Variants in SOX7 observed in about 807,000 individuals in gnomAD.
SOX7 encodes the protein transcription factor SOX-7.
A neutral mutation model predicts 24.9 loss-of-function variants in SOX7; 19 were observed. That is an observed-to-expected ratio of 0.76 (90% CI 0.53 to 1.12). The LOEUF (loss-of-function observed/expected upper bound fraction) is 1.12, where lower values mean the gene tolerates loss of function less well. Ranked by LOEUF, SOX7 falls within the 50% of genes most tolerant of loss-of-function variation. The pLI, the probability that SOX7 is intolerant of heterozygous loss-of-function variation, is 0.00. For synonymous variants in SOX7, 327 were observed against 244.5 expected (o/e 1.34, Z -3.15); for missense variants, 702 against 535.0 (o/e 1.31, Z -3.08).
chr8:10,728,616 G>A (rs1434823529), intron 1 of SOX7, among the ~76,000 whole-genome samples: 1 of 152,212 alleles, frequency 6.6e-6, no homozygotes, highest in Admixed American at 6.5e-5. Flanking sequence ...GCCCCGATGG[G>A]GACCAACTCG....
Position 10,724,357 on chromosome 8 carries a change from G to T in SOX7, c.*1381C>A, listed in dbSNP as rs1259926221. The T allele has an allele frequency of 6.6e-6, 1 of 152,252 alleles. No homozygotes were observed. The highest frequency in any genetic ancestry group is 1.9e-4 in the East Asian group (1 of 5,200). 9.4% of individuals were successfully genotyped at this position (152,252 alleles called of 1,614,324 possible). A position where few individuals can be genotyped will look rare whatever the true frequency, so the allele number is the denominator to read the frequency against. ...AAGACAAATTCTCACAGCAGCTAAAGGAAGCATGCTTGGGATAAGTCAGGG... is the reference window on the plus strand; with the variant it reads ...AAGACAAATTCTCACAGCAGCTAAATGAAGCATGCTTGGGATAAGTCAGGG... On this transcript the variant is annotated 3_prime_UTR_variant, in exon 2 of 2. Transcript: ENST00000304501.
chr8:10,725,583 A>G lies in SOX7; in HGVS notation c.*155T>C, dbSNP rs1800128384. 1 of 708,684 alleles carries G rather than the reference A, an allele frequency of 1.4e-6. No individual in the cohort carries two copies. Among genetic ancestry groups the G allele is most frequent in the Middle Eastern group, 4.0e-4 (1 of 2,518 alleles). The allele number at this position is 708,684 out of a possible 1,614,324, so 43.9% of individuals were successfully genotyped here. ...GGATAGAGGCGGCACTCGGATAAGG[A>G]GAGTCCAGCTTAGGCCAAAGGCTCT... On this transcript the variant is annotated 3_prime_UTR_variant, in exon 2 of 2. Coordinates refer to ENST00000304501, the MANE Select transcript of SOX7 (RefSeq NM_031439.4).
chr8:10,726,432 T>C lies in SOX7; in HGVS notation c.473A>G (p.Glu158Gly), dbSNP rs1179617988. ...GGAGTACTCACCCCTGTCCTCCTTCTCCCCCAGCGCCCCCCGGCTGCCGCT... is the reference window on the plus strand; with the variant it reads ...GGAGTACTCACCCCTGTCCTCCTTCCCCCCCAGCGCCCCCCGGCTGCCGCT... ...KRSGSRGALG[E>G]KEDRGEYSPG... The change falls in exon 2 of 2, where the codon GAG (glutamate) becomes GGG (glycine). Residue 158 changes from glutamate to glycine, a missense_variant. Physicochemically the swap from Glu to Gly is moderately conservative, Grantham distance 98. Transcript: ENST00000304501. 6.2e-7 allele frequency: 1 copy of C among 1,611,984 alleles called. No homozygotes were observed. The highest frequency in any genetic ancestry group is 8.5e-7 in the Non-Finnish European group (1 of 1,179,514).
chr8:10,725,032 A>G lies in SOX7; in HGVS notation c.*706T>C, dbSNP rs2129062735. ...CCACCGTGCCCGGCCTAGACTGTGCATATTCTCTTGAAGTGTGTGTATAAT... is the reference window on the plus strand; with the variant it reads ...CCACCGTGCCCGGCCTAGACTGTGCGTATTCTCTTGAAGTGTGTGTATAAT... On this transcript the variant is annotated 3_prime_UTR_variant, in exon 2 of 2. Coordinates refer to ENST00000304501, the MANE Select transcript of SOX7 (RefSeq NM_031439.4). The G allele has an allele frequency of 6.6e-6, 1 of 152,606 alleles. No homozygotes were observed. The highest frequency in any genetic ancestry group is 2.4e-5 in the African/African-American group (1 of 41,564). 9.5% of individuals were successfully genotyped at this position (152,606 alleles called of 1,614,324 possible).
At position 10,725,714 on chromosome 8, in the gene SOX7, T is replaced by C. The variant is rs1330766852; in HGVS notation, c.*24A>G. 1.2e-6 allele frequency: 2 copies of C among 1,613,678 alleles called. No individual in the cohort carries two copies. Among genetic ancestry groups the C allele is most frequent in the Non-Finnish European group, 1.7e-6 (2 of 1,179,844 alleles). The stretch of plus-strand genomic sequence containing the variant: ...CACAAGAAGGAGAGGGCGCGAGGGC[T>C]GACCGGACGGGGCGCCTCCAGCTCT... On this transcript the variant is annotated 3_prime_UTR_variant, in exon 2 of 2. Coordinates refer to ENST00000304501, the MANE Select transcript of SOX7 (RefSeq NM_031439.4).
At position 10,724,754 on chromosome 8, in the gene SOX7, C is replaced by G. The variant is rs1451932565; in HGVS notation, c.*984G>C. On this transcript the variant is annotated 3_prime_UTR_variant, in exon 2 of 2. Coordinates refer to ENST00000304501, the MANE Select transcript of SOX7 (RefSeq NM_031439.4). ...TTTTTTTTCTTGAAATGGAGTTTCA[C>G]TCTTGTTGCACAGGCTGGAGTGCAA... is the stretch of plus-strand genomic sequence containing the variant. The G allele has an allele frequency of 6.9e-6, 1 of 145,820 alleles. No individual in the cohort carries two copies. The highest frequency in any genetic ancestry group is 1.5e-5 in the Non-Finnish European group (1 of 67,290). 9.0% of individuals were successfully genotyped at this position (145,820 alleles called of 1,614,324 possible).
In SOX7 at chr8:10,726,333, G is replaced by A. The variant is rs1800152194; in HGVS notation, c.572C>T (p.Pro191Leu). ...GPAGGGGGGT[P>L]SSVDTYPYGL... ...GTACGGGTACGTGTCCACACTGCTC[G>A]GGGTGCCGCCGCCGCCACCACCAGC... The change falls in exon 2 of 2, where the codon CCG becomes CTG. Residue 191 changes from proline (P) to leucine (L), a missense_variant. Physicochemically the swap from Pro to Leu is moderately conservative, Grantham distance 98. Transcript: ENST00000304501. The A allele has an allele frequency of 1.2e-6, 2 of 1,612,790 alleles. No individual in the cohort carries two copies. Among genetic ancestry groups the A allele is most frequent in the Middle Eastern group, 1.7e-4 (1 of 6,060 alleles).
At chr8:10,727,514 G>T (rs1450316974) in intron 1 of SOX7, among the ~76,000 whole-genome samples, 2 of 152,186 alleles carry the variant, frequency 1.3e-5, no homozygotes, top group Non-Finnish European at 2.9e-5. Context: ...ACACTCTCCA[G>T]CTCCAAACTC....
In SOX7 at chr8:10,724,416, G is replaced by A. The variant is rs1800101896; in HGVS notation, c.*1322C>T. On this transcript the variant is annotated 3_prime_UTR_variant, in exon 2 of 2. Coordinates refer to ENST00000304501, the MANE Select transcript of SOX7 (RefSeq NM_031439.4). ...AGTTAGGGACCAGTTCAGCAGTGGA[G>A]GAAGAGCAGAAAGAAGAGAAAAAGA... 1 of 152,306 alleles carries A rather than the reference G, an allele frequency of 6.6e-6. No homozygotes were observed. The highest frequency in any genetic ancestry group is 2.1e-4 in the South Asian group (1 of 4,834). The allele number at this position is 152,306 out of a possible 1,614,324, so 9.4% of individuals were successfully genotyped here.
intron 1 of SOX7, among the ~76,000 whole-genome samples, chr8:10,727,934 G>A (rs1052972608): frequency 1.3e-5 from 2 of 152,230 alleles, no homozygotes; most frequent in Non-Finnish European, 2.9e-5. Context: ...CTTGGGCCAG[G>A]GGCTCAGAGC....
rs372332206 is a variant in SOX7, at chr8:10,730,089, C to T, written c.238+107G>A. The T allele has an allele frequency of 6.7e-5, 52 of 775,796 alleles. No individual in the cohort carries two copies. The African/African-American group carries it at 8.3e-4, about 12-fold the overall frequency. 48.1% of individuals were successfully genotyped at this position (775,796 alleles called of 1,614,324 possible). ...GGGCACGAAGAGGGCCCTCGTCCCG[C>T]GTGCCGGGTCTTCCCCAGGCTCCGC... On this transcript the variant is annotated intron_variant, in intron 1 of 1. Coordinates refer to ENST00000304501, the MANE Select transcript of SOX7 (RefSeq NM_031439.4). This position sits in a 1 kb window ranked among gnomAD's most constrained non-coding sequence, Gnocchi z 4.8.
At chr8:10,729,922 C>G (rs1234789495) in intron 1 of SOX7, among the ~76,000 whole-genome samples, 2 of 152,138 alleles carry the variant, frequency 1.3e-5, no homozygotes, top group African/African-American at 4.8e-5. Flanking sequence ...TCCCCGCCCC[C>G]TGGGGCGCCG....
In SOX7 at chr8:10,724,043, C is replaced by G. The variant is rs1800095634; in HGVS notation, c.*1695G>C. 1 of 151,902 alleles carries G rather than the reference C, an allele frequency of 6.6e-6. No homozygotes were observed. The highest frequency in any genetic ancestry group is 2.1e-4 in the South Asian group (1 of 4,810). 9.4% of individuals were successfully genotyped at this position (151,902 alleles called of 1,614,324 possible). ...TTTACAATAGGACATCTTAGAAGGACAAAAAGGATTTATCAACAATACAAA... is the reference window on the plus strand; with the variant it reads ...TTTACAATAGGACATCTTAGAAGGAGAAAAAGGATTTATCAACAATACAAA... On this transcript the variant is annotated 3_prime_UTR_variant, in exon 2 of 2. Coordinates refer to ENST00000304501, the MANE Select transcript of SOX7 (RefSeq NM_031439.4).
chr8:10,726,079 C>T lies in SOX7; in HGVS notation c.826G>A (p.Gly276Ser), dbSNP rs565896411. The T allele has an allele frequency of 1.2e-5, 18 of 1,563,832 alleles. No homozygotes were observed. In the African/African-American group the frequency reaches 1.8e-4, roughly 15 times the overall value. The change falls in exon 2 of 2, where the codon GGC (glycine) becomes AGC (serine). Residue 276 changes from glycine to serine, a missense_variant. By Grantham distance (56) the Gly-to-Ser change is moderately conservative. Transcript: ENST00000304501. Reference protein sequence around the residue: ...PGVSMMSPVPGCPPSPAYYSP... With the variant: ...PGVSMMSPVPSCPPSPAYYSP... ...TAATAGGCAGGAGATGGGGGACAGCCGGGTACAGGGGACATCATGGAGACG... is the reference window on the plus strand; with the variant it reads ...TAATAGGCAGGAGATGGGGGACAGCTGGGTACAGGGGACATCATGGAGACG...
chr8:10,727,051 G>C (rs1210284465), intron 1 of SOX7, among the ~76,000 whole-genome samples: 1 of 152,138 alleles, frequency 6.6e-6, no homozygotes, highest in African/African-American at 2.4e-5. Context: ...TACCCTTCCA[G>C]GGTCCATTCT....
At position 10,725,896 on chromosome 8, in the gene SOX7, TC is replaced by T; in HGVS notation, c.1008del (p.Asn337ThrfsTer24). On this transcript the variant is annotated frameshift_variant, in exon 2 of 2. Coordinates refer to ENST00000304501, the MANE Select transcript of SOX7 (RefSeq NM_031439.4). LOFTEE classifies it high-confidence loss of function. ...GCGGAGTCTGGGTGGCCAGGAGTGT[TC>T]AAATACTGGTCGAATTCATTGCGAT... ...DMDRNEFDQY[L>X]NTPGHPDSAT... 1 of 1,614,078 alleles carries T rather than the reference TC, an allele frequency of 6.2e-7. No individual in the cohort carries two copies.
chr8:10,726,240 G>T lies in SOX7; in HGVS notation c.665C>A (p.Ser222Tyr). The T allele has an allele frequency of 9.3e-6, 15 of 1,613,754 alleles. No homozygotes were observed. Among genetic ancestry groups the T allele is most frequent in the East Asian group, 2.2e-5 (1 of 44,854 alleles). Residue 222 changes from serine to tyrosine, a missense_variant, in exon 2 of 2, where the codon TCC becomes TAC. Physicochemically the swap from Ser to Tyr is moderately radical, Grantham distance 144. Coordinates refer to ENST00000304501, the MANE Select transcript of SOX7 (RefSeq NM_031439.4). The part of the protein sequence containing the change: ...VLEPEQTFFS[S>Y]PCQEEHGHPR... ...ATGGCCATGCTCCTCCTGGCAGGGGGAGGAGAAGAAGGTCTGCTCCGGCTC... is the reference window on the plus strand; with the variant it reads ...ATGGCCATGCTCCTCCTGGCAGGGGTAGGAGAAGAAGGTCTGCTCCGGCTC...
At position 10,725,395 on chromosome 8, in the gene SOX7, T is replaced by G; in HGVS notation, c.*343A>C. The G allele has an allele frequency of 3.2e-6, 1 of 317,350 alleles. No homozygotes were observed. The allele number at this position is 317,350 out of a possible 1,614,324, so 19.7% of individuals were successfully genotyped here. A position where few individuals can be genotyped will look rare whatever the true frequency, so the allele number is the denominator to read the frequency against. On this transcript the variant is annotated 3_prime_UTR_variant, in exon 2 of 2. Coordinates refer to ENST00000304501, the MANE Select transcript of SOX7 (RefSeq NM_031439.4). ...TCAGAAAACTGGACCAGAAGGGACC[T>G]TGGCTATCAAGTCTGTCCCCCCATT...
chr8:10,726,062 A>C lies in SOX7; in HGVS notation c.843T>G (p.Pro281=). ...GGTAGGTGGCCGGGGAGTAATAGGC[A>C]GGAGATGGGGGACAGCCGGGTACAG... is the stretch of plus-strand genomic sequence containing the variant. ...MSPVPGCPPS[P]AYYSPATYHP... Residue 281 remains proline, a synonymous_variant, in exon 2 of 2, where the codon CCT becomes CCG. Transcript: ENST00000304501. 1.3e-6 allele frequency: 2 copies of C among 1,565,042 alleles called. No individual in the cohort carries two copies. Among genetic ancestry groups the C allele is most frequent in the Non-Finnish European group, 1.7e-6 (2 of 1,154,820 alleles).
Sources: allele counts gnomAD v4.1 joint callset (sites outside exome capture counted in the v4.1 genomes callset), GRCh38; gene constraint gnomAD v4.1.1; non-coding constraint Gnocchi (gnomAD v3.1); transcripts MANE v1.5; gene names NCBI Gene and HGNC (gene_info 2026-07-23, HGNC 2026-07-21).